The following LRRC40 variants were observed in gnomAD, a reference collection of about 807,000 sequenced individuals.
The protein encoded by LRRC40 is leucine-rich repeat-containing protein 40.
A neutral mutation model predicts 72.8 loss-of-function variants in LRRC40; 76 were observed. The ratio of observed to expected loss-of-function variants is 1.04; its 90% confidence interval spans 0.87 to 1.26. The LOEUF (loss-of-function observed/expected upper bound fraction) is 1.26. Ranked by LOEUF, LRRC40 falls within the 50% of genes most tolerant of loss-of-function variation. The probability of loss-of-function intolerance (pLI) is 0.00; values close to 1 mark genes in which losing one functional copy is unlikely to be tolerated. For synonymous variants in LRRC40, 243 were observed against 254.2 expected (o/e 0.96, Z 0.42); for missense variants, 684 against 698.9 (o/e 0.98, Z 0.24).
At chr1:70,165,825 C>T (rs1396848166) in intron 9 of LRRC40, among the ~76,000 whole-genome samples, 3 of 152,136 alleles carry the variant, frequency 2.0e-5, no homozygotes, top group Non-Finnish European at 2.9e-5. Flanking sequence ...GGGCTAAAGT[C>T]TGGCCTGGGC....
intron 9 of LRRC40, among the ~76,000 whole-genome samples, chr1:70,172,395 C>CTT (rs1237518463): frequency 6.6e-6 from 1 of 152,062 alleles, no homozygotes; most frequent in Non-Finnish European, 1.5e-5. Flanking sequence ...GGAAGTACAC[C>CTT]TTTAAAACAT....
At chr1:70,150,340 A>G (rs891376742) in intron 13 of LRRC40, among the ~76,000 whole-genome samples, 7 of 152,212 alleles carry the variant, frequency 4.6e-5, no homozygotes, top group Non-Finnish European at 7.3e-5. Flanking sequence ...TCTCAGCTGT[A>G]TAATTTACTA....
rs776759943 is a variant in LRRC40, at chr1:70,153,029, T to C, written c.1329-486A>G. Among the ~76,000 whole-genome samples, 66 of 151,936 alleles carry C rather than the reference T, an allele frequency of 4.3e-4. 1 individual carries two copies. The highest frequency in any genetic ancestry group is 4.2e-3 in the Admixed American group (64 of 15,240). Reference sequence around the variant, plus strand: ...CATTTCTAAGTAAGCCTAATCAAGGTTTATAGTTTTATTCCTGTTATTAAT... The same window carrying C: ...CATTTCTAAGTAAGCCTAATCAAGGCTTATAGTTTTATTCCTGTTATTAAT... On this transcript the variant is annotated intron_variant, in intron 11 of 14. Transcript: ENST00000370952.
At chr1:70,185,610 A>G (rs1668344285) in intron 3 of LRRC40, among the ~76,000 whole-genome samples, 2 of 152,202 alleles carry the variant, frequency 1.3e-5, no homozygotes, top group African/African-American at 4.8e-5. Context: ...AATACATACT[A>G]TAACTGACTT....
chr1:70,199,159 T>C (rs1668678569), intron 1 of LRRC40, among the ~76,000 whole-genome samples: 1 of 150,106 alleles, frequency 6.7e-6, no homozygotes, highest in East Asian at 2.0e-4. Context: ...TCTCAATCAA[T>C]AAATAAACTA....
chr1:70,156,316 C>T (rs1182104008), intron 10 of LRRC40, among the ~76,000 whole-genome samples: 1 of 151,864 alleles, frequency 6.6e-6, no homozygotes, highest in East Asian at 1.9e-4. Context: ...AATTTAGTAA[C>T]CTGGACCAAT....
At chr1:70,201,132 C>T (rs536006048) in intron 1 of LRRC40, among the ~76,000 whole-genome samples, 1 of 152,232 alleles carries the variant, frequency 6.6e-6, no homozygotes, top group African/African-American at 2.4e-5. Context: ...TGAGCCACTG[C>T]ACTCCAGCCT....
intron 3 of LRRC40, among the ~76,000 whole-genome samples, chr1:70,186,750 A>G (rs1042220957): frequency 6.6e-6 from 1 of 152,200 alleles, no homozygotes; most frequent in African/African-American, 2.4e-5. Context: ...AGTTAGCTAC[A>G]ATCTTTGCCA....
chr1:70,181,690 G>A (rs911721434), intron 4 of LRRC40, among the ~76,000 whole-genome samples: 1 of 151,588 alleles, frequency 6.6e-6, no homozygotes, highest in South Asian at 2.1e-4. Flanking sequence ...TCAAATTTTT[G>A]AGGAAAAAAA....
At chr1:70,180,474 A>C (rs1668219561) in intron 5 of LRRC40, 1 of 152,206 alleles carries the variant, frequency 6.6e-6, no homozygotes, top group Non-Finnish European at 1.5e-5. Flanking sequence ...AAACAAAAAA[A>C]TCACTAATGA....
At position 70,148,663 on chromosome 1, in the gene LRRC40, C is replaced by T; in HGVS notation, c.1527G>A (p.Met509Ile). 6.2e-7 allele frequency: 1 copy of T among 1,601,098 alleles called. No homozygotes were observed. Among genetic ancestry groups the T allele is most frequent in the Non-Finnish European group, 8.5e-7 (1 of 1,170,146 alleles). The change falls in exon 14 of 15, where the codon ATG becomes ATA. Residue 509 changes from methionine (M) to isoleucine (I), a missense_variant. By Grantham distance (10) the Met-to-Ile change is conservative. Coordinates refer to ENST00000370952, the MANE Select transcript of LRRC40 (RefSeq NM_017768.5). The stretch of plus-strand genomic sequence containing the variant: ...AGATACGATATAGAACTTCAGGTAG[C>T]ATTTTAAACCTATTAATACATGAAC... ...TINLSFNRFK[M>I]LPEVLYRIFT...
chr1:70,146,035 CT>C (rs1030051509), intron 14 of LRRC40, 130 bp from the exon 15 acceptor site: 9 of 546,342 alleles, frequency 1.6e-5, no homozygotes, highest in Non-Finnish European at 2.9e-5. Flanking sequence ...ATTTTTATTT[CT>C]TTTTTTGAGA....
At chr1:70,186,136 A>G (rs1404546252) in intron 3 of LRRC40, among the ~76,000 whole-genome samples, 2 of 152,164 alleles carry the variant, frequency 1.3e-5, no homozygotes, top group African/African-American at 4.8e-5. Flanking sequence ...ATAGGGATCT[A>G]ACTGGGGAGA....
At chr1:70,173,362 A>C in intron 9 of LRRC40, 103 bp downstream of exon 9, 1 of 770,632 alleles carries the variant, frequency 1.3e-6, no homozygotes, top group Non-Finnish European at 2.2e-6. Context: ...AGGATCTATT[A>C]CTTCCAAATA....
At chr1:70,190,696 A>AAAAAAAAAAAAAAAAAAAAAAAAC (rs1668479521) in intron 1 of LRRC40, among the ~76,000 whole-genome samples, 2 of 115,058 alleles carry the variant, frequency 1.7e-5, no homozygotes, top group African/African-American at 8.4e-5. Context: ...AAAAAAAAAA[A>AAAAAAAAAAAAAAAAAAAAAAAAC]CTTAAAAAAA....
chr1:70,171,307 T>G (rs1667994411), intron 9 of LRRC40, among the ~76,000 whole-genome samples: 2 of 151,452 alleles, frequency 1.3e-5, no homozygotes, highest in Admixed American at 6.6e-5. Flanking sequence ...CTTTCTTAGA[T>G]TTAAAAAAAA....
At chr1:70,167,750 G>T (rs573343719) in intron 9 of LRRC40, among the ~76,000 whole-genome samples, 3 of 151,550 alleles carry the variant, frequency 2.0e-5, no homozygotes, top group African/African-American at 7.3e-5. Flanking sequence ...GAGTAGCTGG[G>T]ACTACAGGTG....
intron 7 of LRRC40, among the ~76,000 whole-genome samples, 163 bp from the exon 8 acceptor site, chr1:70,173,872 A>G (rs567399092): frequency 2.0e-5 from 3 of 152,202 alleles, no homozygotes; most frequent in Admixed American, 6.5e-5. Context: ...ATAAATGCTA[A>G]ACATATAAAG....
intron 9 of LRRC40, among the ~76,000 whole-genome samples, chr1:70,165,517 T>G (rs561655443): frequency 2.0e-5 from 3 of 152,346 alleles, no homozygotes; most frequent in East Asian, 3.9e-4. Flanking sequence ...TTCTTTAAAG[T>G]TAGCAGTCTC....
Sources: gnomAD v4.1 joint callset for allele counts (sites outside exome capture counted in the v4.1 genomes callset) on GRCh38, gnomAD v4.1.1 for gene constraint, MANE v1.5 for transcripts, NCBI Gene and HGNC (gene_info 2026-07-23, HGNC 2026-07-21) for gene names.